Variants in LIPC observed in about 807,000 individuals in gnomAD.
The protein encoded by LIPC is hepatic triacylglycerol lipase.
In LIPC, 44 loss-of-function variants were observed where a neutral mutation model predicts 50.7. The observed-to-expected ratio is 0.87, with a 90% CI of 0.68 to 1.11. The LOEUF is 1.11. Ranked by LOEUF, LIPC falls within the 50% of genes most tolerant of loss-of-function variation. The pLI, the probability that LIPC is intolerant of heterozygous loss-of-function variation, is 0.00. For missense variants in LIPC, 697 were observed against 648.2 expected (o/e 1.08, Z -0.82); for synonymous variants, 271 against 256.4 (o/e 1.06, Z -0.54).
At chr15:58,442,384 A>G (rs1466674157) in intron 1 of LIPC, among the ~76,000 whole-genome samples, 2 of 152,204 alleles carry the variant, frequency 1.3e-5, no homozygotes, top group Non-Finnish European at 2.9e-5. Context: ...CACCCGGAGG[A>G]CAAAGATGGG....
chr15:58,476,372 TA>T (rs1308170951), intron 1 of LIPC, among the ~76,000 whole-genome samples: 2 of 152,204 alleles, frequency 1.3e-5, no homozygotes, highest in Non-Finnish European at 2.9e-5. Context: ...ATATCACATT[TA>T]ACACACCATC....
intron 1 of LIPC, among the ~76,000 whole-genome samples, chr15:58,464,617 G>A (rs967963356): frequency 2.0e-5 from 3 of 152,096 alleles, no homozygotes; most frequent in Admixed American, 6.6e-5. Context: ...CAACTTCTTG[G>A]GATGAGTCCT....
intron 1 of LIPC, among the ~76,000 whole-genome samples, chr15:58,442,568 C>G (rs1292488434): frequency 1.3e-5 from 2 of 152,160 alleles, no homozygotes; most frequent in African/African-American, 4.8e-5. Context: ...CTAAGATGTA[C>G]AGAACAACAG....
intron 1 of LIPC, among the ~76,000 whole-genome samples, chr15:58,497,071 G>A (rs1891798730): frequency 6.6e-6 from 1 of 152,224 alleles, no homozygotes; most frequent in Non-Finnish European, 1.5e-5. Flanking sequence ...TGGTTCCTTG[G>A]AGGTGTCCAT....
chr15:58,451,299 A>G (rs1893892027), intron 1 of LIPC, among the ~76,000 whole-genome samples: 1 of 152,242 alleles, frequency 6.6e-6, no homozygotes, highest in Non-Finnish European at 1.5e-5. Flanking sequence ...TTTGGGTCAC[A>G]AGAATAATAA....
chr15:58,553,750 C>T (rs1893836740), intron 6 of LIPC, among the ~76,000 whole-genome samples: 1 of 152,192 alleles, frequency 6.6e-6, no homozygotes, highest in Non-Finnish European at 1.5e-5. Flanking sequence ...AAATCACTTT[C>T]CCTTTTTCTT....
chr15:58,458,969 T>C (rs1251717928), intron 1 of LIPC, among the ~76,000 whole-genome samples: 1 of 152,240 alleles, frequency 6.6e-6, no homozygotes, highest in African/African-American at 2.4e-5. Flanking sequence ...CATGGCTTTA[T>C]TAGTTTTCTA....
intron 1 of LIPC, among the ~76,000 whole-genome samples, chr15:58,495,257 C>T (rs573249966): frequency 6.6e-6 from 1 of 152,346 alleles, no homozygotes; most frequent in South Asian, 2.1e-4. Flanking sequence ...TTTTGAAAGA[C>T]TGGGTGATTC....
chr15:58,521,404 C>T (rs1438241469), intron 1 of LIPC: 3 of 152,302 alleles, frequency 2.0e-5, no homozygotes, highest in Admixed American at 2.0e-4. Context: ...AGAGAAGGGC[C>T]CCACCCCGAC....
At chr15:58,562,554 G>A (rs117911817) in intron 7 of LIPC, among the ~76,000 whole-genome samples, 2,141 of 152,234 alleles carry the variant, frequency 0.014, 18 homozygotes, top group Middle Eastern at 0.024. Context: ...ACTCTCCCTG[G>A]AAAGTGACAC....
intron 1 of LIPC, among the ~76,000 whole-genome samples, chr15:58,493,986 A>G (rs1230422698): frequency 6.6e-6 from 1 of 152,132 alleles, no homozygotes; most frequent in African/African-American, 2.4e-5. Flanking sequence ...GGGGTTCTGG[A>G]GGAGGTCACC....
chr15:58,485,318 T>C (rs1286163491), intron 1 of LIPC, among the ~76,000 whole-genome samples: 1 of 152,164 alleles, frequency 6.6e-6, no homozygotes, highest in East Asian at 1.9e-4. Context: ...ATGCTGCATG[T>C]TTGCTTATGA....
intron 1 of LIPC, among the ~76,000 whole-genome samples, chr15:58,465,389 A>G (rs12906459): frequency 0.13 from 20,045 of 152,272 alleles, 1,375 homozygotes; most frequent in Non-Finnish European, 0.17. Flanking sequence ...CTTAGTGTAG[A>G]CTGAAGGTTT....
chr15:58,442,609 G>C (rs762845727), intron 1 of LIPC, among the ~76,000 whole-genome samples: 1 of 152,218 alleles, frequency 6.6e-6, no homozygotes, highest in East Asian at 1.9e-4. Flanking sequence ...ATTTAAATGT[G>C]CCAAGTTCTT....
intron 1 of LIPC, among the ~76,000 whole-genome samples, chr15:58,483,326 G>A (rs143534008): frequency 6.6e-6 from 1 of 152,292 alleles, no homozygotes; most frequent in Non-Finnish European, 1.5e-5. Context: ...CCAGTTATGT[G>A]GCAGGTGGGG....
chr15:58,528,255 T>G (rs769808565), intron 1 of LIPC, among the ~76,000 whole-genome samples: 4 of 152,146 alleles, frequency 2.6e-5, no homozygotes, highest in Non-Finnish European at 5.9e-5. Flanking sequence ...GAGGGGAACA[T>G]TCCTGCAGAA....
chr15:58,524,507 T>C (rs998232373), intron 1 of LIPC, among the ~76,000 whole-genome samples: 39 of 152,356 alleles, frequency 2.6e-4, no homozygotes, highest in African/African-American at 9.4e-4. Flanking sequence ...TTCATAGCTG[T>C]TGCCAAATCC....
intron 1 of LIPC, among the ~76,000 whole-genome samples, chr15:58,460,984 G>C (rs1462952448): frequency 2.6e-5 from 4 of 152,164 alleles, no homozygotes. Context: ...GTTTGTTTGG[G>C]GTTGGTCCAC....
chr15:58,440,295 C>T (rs1462535336), intron 1 of LIPC, among the ~76,000 whole-genome samples: 4 of 152,190 alleles, frequency 2.6e-5, no homozygotes, highest in African/African-American at 9.7e-5. Context: ...ATGAGTGAGG[C>T]ATTATCAAAG....
Sources: gnomAD v4.1 joint callset for allele counts (sites outside exome capture counted in the v4.1 genomes callset) on GRCh38, gnomAD v4.1.1 for gene constraint, MANE v1.5 for transcripts, NCBI Gene and HGNC (gene_info 2026-07-23, HGNC 2026-07-21) for gene names.